The following TSPAN19 variants were observed in gnomAD, a reference collection of about 807,000 sequenced individuals.
TSPAN19 encodes tetraspanin-19.
A neutral mutation model predicts 35.1 loss-of-function variants in TSPAN19; 44 were observed. The observed-to-expected ratio is 1.25, with a 90% CI of 0.98 to 1.61. The LOEUF is 1.61. TSPAN19 is among the 40% of genes most tolerant of loss of function. TSPAN19 has a pLI of 0.00. For missense variants in TSPAN19, 290 were observed against 280.0 expected (o/e 1.04, Z -0.26); for synonymous variants, 79 against 92.0 (o/e 0.86, Z 0.81).
intron 5 of TSPAN19, 121 bp downstream of exon 5, chr12:85,023,205 C>T (rs1288615563): frequency 3.4e-5 from 27 of 803,490 alleles, no homozygotes; most frequent in African/African-American, 5.2e-5. Context: ...ATATTATTTT[C>T]CCCTAAAGAA....
At chr12:85,015,541 TACACAC>T (rs10549033) in intron 8 of TSPAN19, 2,624 of 146,918 alleles carry the variant, frequency 0.018, 53 homozygotes, top group African/African-American at 0.056. Context: ...TATGAACATA[TACACAC>T]ACACACACAC....
chr12:85,021,358 GTTAC>G (rs1449286585), intron 5 of TSPAN19, among the ~76,000 whole-genome samples: 1 of 151,962 alleles, frequency 6.6e-6, no homozygotes, highest in Non-Finnish European at 1.5e-5. Flanking sequence ...ATCTTACTTA[GTTAC>G]TTATATATCT....
intron 6 of TSPAN19, among the ~76,000 whole-genome samples, chr12:85,018,571 G>A (rs1876946620): frequency 1.3e-5 from 2 of 151,830 alleles, no homozygotes; most frequent in African/African-American, 2.4e-5. Context: ...TACAATACAT[G>A]TACGGATCAC....
chr12:85,017,676 G>A, intron 6 of TSPAN19, 77 bp from the exon 7 acceptor site: 1 of 1,143,752 alleles, frequency 8.7e-7, no homozygotes, highest in South Asian at 1.7e-5. Context: ...TATTGAAGTG[G>A]TTTTTGTGAT....
chr12:85,017,497 T>G lies in TSPAN19; in HGVS notation c.553A>C (p.Lys185Gln). 1 of 1,608,754 alleles carries G rather than the reference T, an allele frequency of 6.2e-7. No homozygotes were observed. The highest frequency in any genetic ancestry group is 8.5e-7 in the Non-Finnish European group (1 of 1,177,210). ...TTCAGTGGCTCATCACAAAACCATT[T>G]TCTTAAAGTTGACTTTGTGCAAGAA... ...PCSCTKSTLRKWFCDEPLNAT... is the reference protein window; with the variant it reads ...PCSCTKSTLRQWFCDEPLNAT... The change falls in exon 7 of 9, where the codon AAA becomes CAA. Residue 185 changes from lysine (K) to glutamine (Q), a missense_variant. Transcript: ENST00000532498.
intron 1 of TSPAN19, among the ~76,000 whole-genome samples, chr12:85,033,983 T>C (rs1334522620): frequency 2.0e-5 from 3 of 152,122 alleles, no homozygotes; most frequent in African/African-American, 7.2e-5. Flanking sequence ...GAGTCATGCA[T>C]GTGAGAATGG....
Position 85,019,672 on chromosome 12 carries a change from G to C in TSPAN19, c.404C>G (p.Pro135Arg). 6.2e-7 allele frequency: 1 copy of C among 1,609,864 alleles called. No homozygotes were observed. The highest frequency in any genetic ancestry group is 1.3e-5 in the African/African-American group (1 of 74,676). The change falls in exon 6 of 9, where the codon CCT becomes CGT. Residue 135 changes from proline to arginine, a missense_variant. Transcript: ENST00000532498. ...VISEYGSKDK[P>R]EDITKWTILN... is the part of the protein sequence containing the mutation. ...AATAGTCCACTTGGTTATATCTTCAGGCTTATCTTTAGATCCATACTCAGA... is the reference window on the plus strand; with the variant it reads ...AATAGTCCACTTGGTTATATCTTCACGCTTATCTTTAGATCCATACTCAGA...
chr12:85,015,660 T>C (rs1238572885), intron 8 of TSPAN19: 7 of 385,214 alleles, frequency 1.8e-5, no homozygotes, highest in Non-Finnish European at 3.2e-5. Flanking sequence ...ACATAGGTAC[T>C]ATACATAGTA....
intron 4 of TSPAN19, among the ~76,000 whole-genome samples, chr12:85,026,691 G>T: frequency 6.6e-6 from 1 of 152,244 alleles, no homozygotes; most frequent in East Asian, 1.9e-4. Context: ...CTGAAGGAAT[G>T]GAACTGAGGT....
chr12:85,028,833 T>A (rs901050288), intron 3 of TSPAN19, among the ~76,000 whole-genome samples: 4 of 152,184 alleles, frequency 2.6e-5, no homozygotes, highest in African/African-American at 7.2e-5. Context: ...GAACTGGTTG[T>A]TAAACGTTTG....
intron 7 of TSPAN19, chr12:85,016,249 T>C (rs531478189): frequency 2.0e-4 from 56 of 285,566 alleles, no homozygotes; most frequent in Non-Finnish European, 3.2e-4. Context: ...CAGACTATTG[T>C]AATTCATCAG....
rs375357533 is a variant in TSPAN19, at chr12:85,027,923, G to A, written c.240C>T (p.Asn80=). The change falls in exon 4 of 9, where the codon AAC becomes AAT. Residue 80 remains asparagine, a synonymous_variant. Coordinates refer to ENST00000532498, the MANE Select transcript of TSPAN19 (RefSeq NM_001100917.2). The part of the protein sequence containing the change: ...FCLLGYIGIH[N]EIRWLLIVYA... The stretch of plus-strand genomic sequence containing the variant: ...CCACAATTAGGAGCCATCTGATTTC[G>A]TTGTGAATTCCTATATAACCCAATA... 9.9e-5 allele frequency: 157 copies of A among 1,583,238 alleles called. No individual in the cohort carries two copies. Among genetic ancestry groups the A allele is most frequent in the Non-Finnish European group, 1.2e-4 (144 of 1,165,342 alleles).
intron 1 of TSPAN19, 80 bp downstream of exon 1, chr12:85,036,124 G>A (rs1388466559): frequency 1.3e-5 from 2 of 152,108 alleles, no homozygotes; most frequent in East Asian, 3.9e-4. Context: ...TTAAAAGTGA[G>A]ATTACATCTA....
intron 4 of TSPAN19, among the ~76,000 whole-genome samples, chr12:85,025,371 C>T (rs1352123240): frequency 1.3e-5 from 2 of 151,908 alleles, no homozygotes; most frequent in Non-Finnish European, 2.9e-5. Flanking sequence ...ACTGGCTGGT[C>T]TCAGGTGATC....
chr12:85,029,638 A>T, intron 3 of TSPAN19, 81 bp downstream of exon 3: 2 of 1,061,196 alleles, frequency 1.9e-6, no homozygotes, highest in Non-Finnish European at 2.7e-6. Flanking sequence ...AAATACTGCC[A>T]CCTGCTGAAT....
At position 85,022,818 on chromosome 12, in the gene TSPAN19, C is replaced by CT. The variant is rs1877195888; in HGVS notation, c.339+507dup. ...AAAGTTTTTTCAGGCTTATTATATGCTTTTTTGAACTAAATTTGATAAACC... is the reference window on the plus strand; with the variant it reads ...AAAGTTTTTTCAGGCTTATTATATGCTTTTTTTGAACTAAATTTGATAAACC... On this transcript the variant is annotated intron_variant, in intron 5 of 8. Transcript: ENST00000532498. 2.0e-5 allele frequency among the ~76,000 whole-genome samples: 3 copies of CT among 152,122 alleles called. No homozygotes were observed. The South Asian group carries it at 6.2e-4, about 32-fold the overall frequency.
rs371075891 is a variant in TSPAN19, at chr12:85,019,655, A to T, written c.421T>A (p.Trp141Arg). Residue 141 changes from tryptophan to arginine, a missense_variant, in exon 6 of 9, where the codon TGG becomes AGG. By Grantham distance (101) the Trp-to-Arg change is moderately radical. Coordinates refer to ENST00000532498, the MANE Select transcript of TSPAN19 (RefSeq NM_001100917.2). ...TTCTGTAAGGCATTCAGAATAGTCCACTTGGTTATATCTTCAGGCTTATCT... is the reference window on the plus strand; with the variant it reads ...TTCTGTAAGGCATTCAGAATAGTCCTCTTGGTTATATCTTCAGGCTTATCT... ...SKDKPEDITKWTILNALQKTL... is the reference protein window; with the variant it reads ...SKDKPEDITKRTILNALQKTL... 2.5e-6 allele frequency: 4 copies of T among 1,607,238 alleles called. No individual in the cohort carries two copies. Among genetic ancestry groups the T allele is most frequent in the Non-Finnish European group, 8.5e-7 (1 of 1,175,850 alleles).
chr12:85,016,773 G>C (rs1382716567), intron 7 of TSPAN19: 1 of 151,682 alleles, frequency 6.6e-6, no homozygotes, highest in Non-Finnish European at 1.5e-5. Context: ...ACTGCAGATA[G>C]GGGCAACTAC....
At position 85,029,903 on chromosome 12, in the gene TSPAN19, T is replaced by C. The variant is rs761455577; in HGVS notation, c.44A>G (p.Asn15Ser). ...NKTIIIKYFL[N>S]LINGAFLVLG... Reference sequence around the variant, plus strand: ...TACCAAGAAAGCTCCATTAATGAGATTAAGAAAGTACTTAATAATTATTGT... The same window carrying C: ...TACCAAGAAAGCTCCATTAATGAGACTAAGAAAGTACTTAATAATTATTGT... Residue 15 changes from asparagine (N) to serine (S), a missense_variant, in exon 2 of 9, where the codon AAT (asparagine) becomes AGT (serine). Asn to Ser is a conservative substitution (Grantham distance 46). Coordinates refer to ENST00000532498, the MANE Select transcript of TSPAN19 (RefSeq NM_001100917.2). 2.0e-6 allele frequency: 3 copies of C among 1,474,554 alleles called. No homozygotes were observed. The highest frequency in any genetic ancestry group is 2.8e-6 in the Non-Finnish European group (3 of 1,088,572). 91.3% of individuals were successfully genotyped at this position (1,474,554 alleles called of 1,614,324 possible). A position where few individuals can be genotyped will look rare whatever the true frequency, so the allele number is the denominator to read the frequency against.
Sources: allele counts gnomAD v4.1 joint callset (sites outside exome capture counted in the v4.1 genomes callset), GRCh38; gene constraint gnomAD v4.1.1; transcripts MANE v1.5; gene names NCBI Gene and HGNC (gene_info 2026-07-23, HGNC 2026-07-21).